Variants in HEATR5A observed in about 807,000 individuals in gnomAD.
HEATR5A encodes the protein HEAT repeat containing 5A.
HEATR5A carries 178 observed loss-of-function variants against 218.8 expected under a neutral mutation model. The observed-to-expected ratio is 0.81, with a 90% CI of 0.72 to 0.92. HEATR5A has a LOEUF of 0.92. Ranked by LOEUF, HEATR5A falls within the 40% of genes least tolerant of loss-of-function variation. The pLI is 0.00. For missense variants in HEATR5A, 2,420 were observed against 2,418.9 expected, an observed-to-expected ratio of 1.00 and a Z score of -0.01; for synonymous variants, 864 against 871.6, an observed-to-expected ratio of 0.99 and a Z score of 0.15.
intron 6 of HEATR5A, among the ~76,000 whole-genome samples, chr14:31,393,805 C>T (rs1228570873): frequency 6.6e-6 from 1 of 152,062 alleles, no homozygotes; most frequent in African/African-American, 2.4e-5. Flanking sequence ...TGTGCCATCA[C>T]ACCAAGCTAA....
intron 25 of HEATR5A, among the ~76,000 whole-genome samples, chr14:31,320,905 T>C (rs1044810029): frequency 6.6e-6 from 1 of 152,168 alleles, no homozygotes; most frequent in Non-Finnish European, 1.5e-5. Context: ...TTTATGTACT[T>C]TGCTTTTACT....
chr14:31,412,317 C>T (rs1037636369), intron 1 of HEATR5A, among the ~76,000 whole-genome samples: 6 of 151,938 alleles, frequency 3.9e-5, no homozygotes, highest in Admixed American at 1.3e-4. Flanking sequence ...AGAAAAAAGA[C>T]GACAGCCAGG....
rs1901073139 is a variant in HEATR5A at position 31,347,849 on chromosome 14, G to C, written c.2767C>G (p.Leu923Val). 6.3e-7 allele frequency: 1 copy of C among 1,588,926 alleles called. No individual in the cohort carries two copies. The highest frequency in any genetic ancestry group is 8.6e-7 in the Non-Finnish European group (1 of 1,167,298). ...RTGHSLALGS[L>V]HRYLGGISSS... Reference sequence around the variant, plus strand: ...CTTATTCCTCCTAAATACCTATGTAGGGACCCCAAGGCCAATGAGTGTCCT... The same window carrying C: ...CTTATTCCTCCTAAATACCTATGTACGGACCCCAAGGCCAATGAGTGTCCT... The change falls in exon 19 of 36, where the codon CTA becomes GTA. Residue 923 changes from leucine (L) to valine (V), a missense_variant. By Grantham distance (32) the Leu-to-Val change is conservative. Coordinates refer to ENST00000543095, the MANE Select transcript of HEATR5A (RefSeq NM_015473.4).
At chr14:31,380,444 G>A (rs765033996) in intron 11 of HEATR5A, 23 bp downstream of exon 11, 47 of 1,452,974 alleles carry the variant, frequency 3.2e-5, no homozygotes, top group Non-Finnish European at 4.5e-5. Flanking sequence ...TTCAAGGTAT[G>A]TAAACCTTCT....
intron 12 of HEATR5A, 75 bp downstream of exon 12, chr14:31,374,741 T>C: frequency 1.4e-6 from 2 of 1,381,244 alleles, no homozygotes; most frequent in African/African-American, 1.5e-5. Flanking sequence ...AAATAAAACA[T>C]ACAAGTACAT....
chr14:31,402,159 T>C (rs1055723996), intron 2 of HEATR5A, among the ~76,000 whole-genome samples: 3 of 152,348 alleles, frequency 2.0e-5, no homozygotes, highest in South Asian at 2.1e-4. Context: ...TTTAAATTCA[T>C]AAATAAAATG....
At chr14:31,358,551 C>T in intron 16 of HEATR5A, 86 bp downstream of exon 16, 1 of 1,174,652 alleles carries the variant, frequency 8.5e-7, no homozygotes, top group Non-Finnish European at 1.2e-6. Flanking sequence ...TATAAGAAAT[C>T]ATTTACGCTA....
intron 31 of HEATR5A, among the ~76,000 whole-genome samples, chr14:31,306,176 G>A (rs559512571): frequency 2.9e-4 from 44 of 152,218 alleles, no homozygotes; most frequent in African/African-American, 1.0e-3. Flanking sequence ...AGGTGAATGA[G>A]AAGATTTAAA....
In HEATR5A at chr14:31,295,849, A is replaced by C. The variant is rs1429263540; in HGVS notation, c.5619+60T>G. On this transcript the variant is annotated intron_variant, in intron 34 of 35. Coordinates refer to ENST00000543095, the MANE Select transcript of HEATR5A (RefSeq NM_015473.4). Reference sequence around the variant, plus strand: ...TGGAGCCAACAAAATCACACAGAAAATTTTCTAAAGGCCTAGCCATTGTCC... The same window carrying C: ...TGGAGCCAACAAAATCACACAGAAACTTTTCTAAAGGCCTAGCCATTGTCC... 37 of 1,422,786 alleles carry C rather than the reference A, an allele frequency of 2.6e-5. 1 individual carries two copies. Among genetic ancestry groups the C allele is most frequent in the Admixed American group, 1.1e-4 (5 of 47,236 alleles). The allele number at this position is 1,422,786 out of a possible 1,614,324, so 88.1% of individuals were successfully genotyped here. A position where few individuals can be genotyped will look rare whatever the true frequency, so the allele number is the denominator to read the frequency against.
At chr14:31,365,211 G>A (rs1360391584) in intron 13 of HEATR5A, among the ~76,000 whole-genome samples, 4 of 152,016 alleles carry the variant, frequency 2.6e-5, no homozygotes. Flanking sequence ...ATCAACTAGA[G>A]TATGGTTTTC....
At chr14:31,314,241 C>T (rs1192189146) in intron 27 of HEATR5A, among the ~76,000 whole-genome samples, 1 of 151,930 alleles carries the variant, frequency 6.6e-6, no homozygotes, top group Non-Finnish European at 1.5e-5. Flanking sequence ...AGCCACCGCG[C>T]TGAGGTTATT....
In HEATR5A at chr14:31,293,631, A is replaced by C; in HGVS notation, c.5834-19T>G. ...TGAGCGCCTAGAAAGTAAACAAATA[A>C]TATAAGTTCAGTGACATAAATGTTT... is the stretch of plus-strand genomic sequence containing the variant. On this transcript the variant is annotated intron_variant, in intron 35 of 35. Coordinates refer to ENST00000543095, the MANE Select transcript of HEATR5A (RefSeq NM_015473.4). 1 of 1,574,774 alleles carries C rather than the reference A, an allele frequency of 6.4e-7. No homozygotes were observed. Among genetic ancestry groups the C allele is most frequent in the Non-Finnish European group, 8.6e-7 (1 of 1,163,834 alleles).
chr14:31,302,168 T>C (rs1226499621), intron 33 of HEATR5A, 127 bp downstream of exon 33: 11 of 675,316 alleles, frequency 1.6e-5, no homozygotes, highest in South Asian at 3.7e-5. Flanking sequence ...TCTAAACACA[T>C]AGTATTGAAT....
intron 21 of HEATR5A, among the ~76,000 whole-genome samples, chr14:31,342,524 C>T (rs910762389): frequency 2.6e-5 from 4 of 152,156 alleles, no homozygotes; most frequent in African/African-American, 9.7e-5. Context: ...GAGACATTTG[C>T]CTTTACAAGC....
chr14:31,406,496 T>G (rs905331618), intron 1 of HEATR5A, among the ~76,000 whole-genome samples: 3 of 152,232 alleles, frequency 2.0e-5, no homozygotes, highest in African/African-American at 7.2e-5. Flanking sequence ...CTATTTTGAT[T>G]AGCCCTATTT....
chr14:31,355,339 G>C (rs558267925), intron 16 of HEATR5A, among the ~76,000 whole-genome samples: 2 of 151,760 alleles, frequency 1.3e-5, no homozygotes, highest in Non-Finnish European at 2.9e-5. Flanking sequence ...CTTGAACCTG[G>C]GAGGCGGAGG....
At chr14:31,413,600 G>C (rs2031357179) in intron 1 of HEATR5A, among the ~76,000 whole-genome samples, 1 of 152,034 alleles carries the variant, frequency 6.6e-6, no homozygotes, top group Admixed American at 6.6e-5. Flanking sequence ...TGAGCAGTAG[G>C]AACCAACTCT....
In HEATR5A at chr14:31,350,605, T is replaced by C. The variant is rs1465375633; in HGVS notation, c.2517+7A>G. On this transcript the variant is annotated splice_region_variant and intron_variant, in intron 17 of 35. Coordinates refer to ENST00000543095, the MANE Select transcript of HEATR5A (RefSeq NM_015473.4). ...GCCAACATTTAAATGAAAAAAATAATAATTACCTTCAAGAAACTAGAAACT... is the reference window on the plus strand; with the variant it reads ...GCCAACATTTAAATGAAAAAAATAACAATTACCTTCAAGAAACTAGAAACT... 3.4e-6 allele frequency: 5 copies of C among 1,477,832 alleles called. No homozygotes were observed. In the South Asian group the frequency reaches 6.3e-5, roughly 18 times the overall value. 91.5% of individuals were successfully genotyped at this position (1,477,832 alleles called of 1,614,324 possible).
intron 4 of HEATR5A, among the ~76,000 whole-genome samples, chr14:31,397,602 T>C (rs2030705319): frequency 1.3e-5 from 2 of 148,432 alleles, no homozygotes; most frequent in South Asian, 4.2e-4. Context: ...GAGATTGTAG[T>C]GAGCTGAGAT....
Sources: gnomAD v4.1 joint callset for allele counts (sites outside exome capture counted in the v4.1 genomes callset) on GRCh38, gnomAD v4.1.1 for gene constraint, MANE v1.5 for transcripts, NCBI Gene and HGNC (gene_info 2026-07-23, HGNC 2026-07-21) for gene names.